The following PABPC4L variants were observed in gnomAD, a reference collection of about 807,000 sequenced individuals.
The protein encoded by PABPC4L is polyadenylate-binding protein 4-like.
For missense variants in PABPC4L, 452 were observed against 451.4 expected (o/e 1.00, Z -0.01); for synonymous variants, 169 against 164.1 (o/e 1.03, Z -0.23).
chr4:134,156,818 C>G, the PABPC4L span, among the ~76,000 whole-genome samples: 1 of 151,870 alleles, frequency 6.6e-6, no homozygotes, highest in East Asian at 1.9e-4. Flanking sequence ...CAAGCCAGTC[C>G]TTTTTAAAAT....
At chr4:134,022,941 AG>A in the PABPC4L span, among the ~76,000 whole-genome samples, 3 of 151,964 alleles carry the variant, frequency 2.0e-5, no homozygotes, top group Admixed American at 2.0e-4. Flanking sequence ...AATTAATATC[AG>A]GATTAATTAA....
chr4:134,051,614 T>A, the PABPC4L span, among the ~76,000 whole-genome samples: 1 of 152,130 alleles, frequency 6.6e-6, no homozygotes, highest in East Asian at 1.9e-4. Context: ...TTTTTAGGCA[T>A]TGAAAAAATC....
chr4:134,061,016 A>T, the PABPC4L span, among the ~76,000 whole-genome samples: 399 of 152,190 alleles, frequency 2.6e-3, no homozygotes, highest in Non-Finnish European at 4.6e-3. Context: ...TTTTCCAGCA[A>T]AAGAGGGTGA....
the PABPC4L span, among the ~76,000 whole-genome samples, chr4:134,164,479 C>CA: frequency 6.6e-6 from 1 of 151,980 alleles, no homozygotes; most frequent in African/African-American, 2.4e-5. Context: ...TGCTATACAT[C>CA]AACAGCAACC....
At chr4:134,189,171 A>G in the PABPC4L span, among the ~76,000 whole-genome samples, 79 of 152,162 alleles carry the variant, frequency 5.2e-4, no homozygotes, top group Admixed American at 7.9e-4. Context: ...ATTTCTCTGC[A>G]TACATTGTCC....
At chr4:134,147,786 G>A in the PABPC4L span, among the ~76,000 whole-genome samples, 15 of 151,472 alleles carry the variant, frequency 9.9e-5, 1 homozygote, top group Admixed American at 9.2e-4. Flanking sequence ...CCTAGAAGAA[G>A]ATGTTAAAAT....
At chr4:134,026,769 A>C in the PABPC4L span, among the ~76,000 whole-genome samples, 1 of 152,182 alleles carries the variant, frequency 6.6e-6, no homozygotes, top group Admixed American at 6.5e-5. Context: ...TTCTATAAAA[A>C]GGAAAAATTA....
At chr4:134,059,388 A>C in the PABPC4L span, among the ~76,000 whole-genome samples, 1 of 145,682 alleles carries the variant, frequency 6.9e-6, no homozygotes, top group Non-Finnish European at 1.5e-5. Flanking sequence ...GAAACAAACT[A>C]TATATATATA....
chr4:134,129,454 G>C, the PABPC4L span, among the ~76,000 whole-genome samples: 9 of 151,840 alleles, frequency 5.9e-5, no homozygotes, highest in African/African-American at 2.2e-4. Context: ...ATTTATGAAA[G>C]TCAAAATTAT....
the PABPC4L span, among the ~76,000 whole-genome samples, chr4:134,069,476 C>T: frequency 6.6e-6 from 1 of 152,074 alleles, no homozygotes; most frequent in Non-Finnish European, 1.5e-5. Context: ...CATATTTTGT[C>T]TCTTTACATA....
the PABPC4L span, among the ~76,000 whole-genome samples, chr4:133,994,527 T>C: frequency 2.0e-5 from 3 of 152,136 alleles, no homozygotes; most frequent in Admixed American, 6.5e-5. Flanking sequence ...ACTTCCCTCA[T>C]GCCGATAATT....
At chr4:134,059,264 T>A in the PABPC4L span, among the ~76,000 whole-genome samples, 2 of 151,298 alleles carry the variant, frequency 1.3e-5, no homozygotes, top group Non-Finnish European at 2.9e-5. Context: ...TGTACATACA[T>A]CTCCAAATTA....
At chr4:134,168,931 A>T in the PABPC4L span, among the ~76,000 whole-genome samples, 2 of 152,090 alleles carry the variant, frequency 1.3e-5, no homozygotes, top group African/African-American at 4.8e-5. Context: ...ACTCAAACTC[A>T]TTTCATCATG....
chr4:133,991,011 G>C, the PABPC4L span, among the ~76,000 whole-genome samples: 1 of 151,918 alleles, frequency 6.6e-6, no homozygotes, highest in Non-Finnish European at 1.5e-5. Context: ...TTTTTTGTTT[G>C]TTTGTTTTGC....
the PABPC4L span, among the ~76,000 whole-genome samples, chr4:134,061,298 C>T: frequency 1.9e-3 from 283 of 151,600 alleles, 1 homozygote; most frequent in African/African-American, 6.5e-3. Flanking sequence ...AATACATAAT[C>T]AAATAAATAA....
chr4:134,064,752 A>G, the PABPC4L span, among the ~76,000 whole-genome samples: 2 of 151,662 alleles, frequency 1.3e-5, no homozygotes, highest in Non-Finnish European at 2.9e-5. Context: ...CACTTCTCAT[A>G]CCCTCCACCC....
chr4:134,040,815 G>A, the PABPC4L span, among the ~76,000 whole-genome samples: 1 of 152,068 alleles, frequency 6.6e-6, no homozygotes, highest in Non-Finnish European at 1.5e-5. Flanking sequence ...GAAAATTTTT[G>A]CAATCTACCC....
chr4:134,043,831 T>A, the PABPC4L span, among the ~76,000 whole-genome samples: 1 of 151,962 alleles, frequency 6.6e-6, no homozygotes, highest in Non-Finnish European at 1.5e-5. Context: ...CAAATCTGAG[T>A]GTAAATAAAT....
At chr4:134,015,592 C>G in the PABPC4L span, among the ~76,000 whole-genome samples, 44 of 152,204 alleles carry the variant, frequency 2.9e-4, no homozygotes, top group African/African-American at 9.9e-4. Flanking sequence ...CATCTGTTAC[C>G]TATCTCGGCA....
Sources: gnomAD v4.1 joint callset for allele counts (sites outside exome capture counted in the v4.1 genomes callset) on GRCh38, gnomAD v4.1.1 for gene constraint, MANE v1.5 for transcripts, NCBI Gene and HGNC (gene_info 2026-07-23, HGNC 2026-07-21) for gene names.